FAM50B: variants seen among roughly 807,000 people sequenced by gnomAD.
FAM50B encodes protein FAM50B.
A neutral mutation model predicts 25.4 loss-of-function variants in FAM50B; 9 were observed. That is an observed-to-expected ratio of 0.35 (90% CI 0.21 to 0.62). The LOEUF is 0.62. Ranked by LOEUF, FAM50B falls within the 20% of genes least tolerant of loss-of-function variation. The pLI is 0.73. For missense variants in FAM50B, 372 were observed against 477.9 expected (o/e 0.78, Z 2.07); for synonymous variants, 212 against 204.3 (o/e 1.04, Z -0.32).
the FAM50B span, among the ~76,000 whole-genome samples, chr6:3,840,473 C>CA: frequency 1.5e-5 from 1 of 67,820 alleles, no homozygotes; most frequent in Non-Finnish European, 2.9e-5. Flanking sequence ...ATCTCCTTCT[C>CA]AAAAAAACAA....
chr6:3,838,854 A>T, the FAM50B span, among the ~76,000 whole-genome samples: 1 of 150,962 alleles, frequency 6.6e-6, no homozygotes, highest in Admixed American at 6.6e-5. Context: ...AAAAAAAAAA[A>T]AAAAAACACA....
At chr6:3,835,607 A>G in the FAM50B span, among the ~76,000 whole-genome samples, 4 of 152,204 alleles carry the variant, frequency 2.6e-5, no homozygotes, top group South Asian at 2.1e-4. Context: ...AACAACGCAA[A>G]CAAGCTTTGG....
the FAM50B span, among the ~76,000 whole-genome samples, chr6:3,837,670 G>A: frequency 2.0e-5 from 3 of 152,296 alleles, no homozygotes; most frequent in African/African-American, 7.2e-5. Flanking sequence ...CAGTTCTGGA[G>A]GATGGGAAGT....
the FAM50B span, among the ~76,000 whole-genome samples, chr6:3,835,924 G>A: frequency 1.3e-5 from 2 of 152,210 alleles, no homozygotes; most frequent in South Asian, 4.2e-4. Context: ...GAGCTTCAGG[G>A]ATTTGTTAAG....
the FAM50B span, among the ~76,000 whole-genome samples, chr6:3,837,983 A>T: frequency 6.6e-6 from 1 of 152,264 alleles, no homozygotes; most frequent in African/African-American, 2.4e-5. Context: ...AGAGGACTTT[A>T]AAACCATAGC....
chr6:3,840,893 A>G, the FAM50B span, among the ~76,000 whole-genome samples: 1 of 152,224 alleles, frequency 6.6e-6, no homozygotes, highest in Non-Finnish European at 1.5e-5. Flanking sequence ...TAAGAAATGA[A>G]AAAAAGCTTT....
At chr6:3,834,594 G>A in the FAM50B span, among the ~76,000 whole-genome samples, 1 of 152,138 alleles carries the variant, frequency 6.6e-6, no homozygotes, top group South Asian at 2.1e-4. Context: ...GGGCTATCAG[G>A]TTTAAAAAGG....
the FAM50B span, among the ~76,000 whole-genome samples, chr6:3,836,119 C>T: frequency 0.38 from 57,951 of 152,028 alleles, 11,213 homozygotes; most frequent in Non-Finnish European, 0.39. Flanking sequence ...TACATCATGC[C>T]AGACCCTGCA....
the FAM50B span, among the ~76,000 whole-genome samples, chr6:3,843,661 G>T: frequency 6.6e-6 from 1 of 152,114 alleles, no homozygotes; most frequent in Non-Finnish European, 1.5e-5. Flanking sequence ...AACATGTGAG[G>T]GTTCTTCCCC....
chr6:3,834,265 T>G, the FAM50B span, among the ~76,000 whole-genome samples: 1 of 150,976 alleles, frequency 6.6e-6, no homozygotes, highest in Middle Eastern at 3.4e-3. Context: ...AATTCATATA[T>G]GTATAAAATT....
the FAM50B span, chr6:3,833,525 T>G: frequency 2.0e-5 from 3 of 152,236 alleles, no homozygotes; most frequent in Non-Finnish European, 4.4e-5. Flanking sequence ...GGCTATCACC[T>G]TTCCCCAGTG....
At position 3,849,996 on chromosome 6, in the gene FAM50B, C is replaced by A. The variant is rs748224989; in HGVS notation, c.185C>A (p.Ser62Tyr). ...GACGCCGTGGAGGCCGAGCTGAAGT[C>A]CAGCACGGTGGGCCTGGTGACCCTG... is the stretch of plus-strand genomic sequence containing the variant. Reference protein sequence around the residue: ...HYDAVEAELKSSTVGLVTLND... With the variant: ...HYDAVEAELKYSTVGLVTLND... Residue 62 changes from serine to tyrosine, a missense_variant, in exon 2 of 2, where the codon TCC becomes TAC. Physicochemically the swap from Ser to Tyr is moderately radical, Grantham distance 144 (BLOSUM62 -2). Transcript: ENST00000648326. 1 of 1,613,894 alleles carries A rather than the reference C, an allele frequency of 6.2e-7. No homozygotes were observed.
the FAM50B span, among the ~76,000 whole-genome samples, chr6:3,832,991 G>C: frequency 6.6e-6 from 1 of 152,104 alleles, no homozygotes; most frequent in Admixed American, 6.5e-5. Context: ...CCCCCAAGTA[G>C]CTGGGACTAC....
Position 3,851,010 on chromosome 6 carries a change from T to G in FAM50B, c.*221T>G. ...AGTGTTGCCACCTGGATTTGCTGCA[T>G]TGCTCTGCTGAGCTGTATTGAAACC... On this transcript the variant is annotated 3_prime_UTR_variant, in exon 2 of 2. Coordinates refer to ENST00000648326, the MANE Select transcript of FAM50B (RefSeq NM_012135.3). The G allele has an allele frequency of 1.5e-6, 1 of 672,672 alleles. No individual in the cohort carries two copies. The highest frequency in any genetic ancestry group is 2.5e-6 in the Non-Finnish European group (1 of 401,750). The allele number at this position is 672,672 out of a possible 1,614,324, so 41.7% of individuals were successfully genotyped here.
the FAM50B span, among the ~76,000 whole-genome samples, chr6:3,838,800 T>C: frequency 7.7e-6 from 1 of 129,456 alleles, no homozygotes; most frequent in Non-Finnish European, 1.5e-5. Flanking sequence ...GAGATCATAC[T>C]ACTGCACTCC....
the FAM50B span, among the ~76,000 whole-genome samples, chr6:3,842,632 T>C: frequency 0.6 from 90,462 of 151,990 alleles, 28,396 homozygotes; most frequent in African/African-American, 0.8. Flanking sequence ...CAAAAGATGT[T>C]CCACCCTTTG....
the FAM50B span, among the ~76,000 whole-genome samples, chr6:3,837,848 T>G: frequency 1.3e-5 from 2 of 152,200 alleles, no homozygotes. Context: ...ATTAATCCAT[T>G]AGCCCATTAA....
the FAM50B span, among the ~76,000 whole-genome samples, chr6:3,836,915 C>A: frequency 0.049 from 7,403 of 152,286 alleles, 237 homozygotes; most frequent in East Asian, 0.15. Context: ...GGGTAATAAT[C>A]CTCTGCCTCC....
upstream of FAM50B, among the ~76,000 whole-genome samples, chr6:3,846,073 G>A (rs1351883935): frequency 6.6e-6 from 1 of 152,106 alleles, no homozygotes; most frequent in Non-Finnish European, 1.5e-5. Context: ...GAATGCTGCA[G>A]GGGTCCACCT....
Sources: allele counts gnomAD v4.1 joint callset (sites outside exome capture counted in the v4.1 genomes callset), GRCh38; gene constraint gnomAD v4.1.1; transcripts MANE v1.5; gene names NCBI Gene and HGNC (gene_info 2026-07-23, HGNC 2026-07-21).